Variants in APC observed in about 807,000 individuals in gnomAD.
APC encodes the protein adenomatous polyposis coli protein.
APC carries 72 observed loss-of-function variants against 247.0 expected under a neutral mutation model. The ratio of observed to expected loss-of-function variants is 0.29; its 90% CI spans 0.24 to 0.35. The LOEUF (loss-of-function observed/expected upper bound fraction) is 0.35. Among genes scored for constraint, APC ranks in the 10% least tolerant of loss-of-function variants. The probability of loss-of-function intolerance (pLI) is 1.00; values close to 1 mark genes in which losing one functional copy is unlikely to be tolerated. For missense variants in APC, 3,400 were observed against 3,360.7 expected (o/e 1.01, Z -0.29); for synonymous variants, 1,254 against 1,162.5 (o/e 1.08, Z -1.60).
intron 2 of APC, among the ~76,000 whole-genome samples, chr5:112,760,416 C>A (rs896778508): frequency 2.6e-5 from 4 of 152,194 alleles, no homozygotes; most frequent in Admixed American, 6.5e-5. Context: ...TTTCATACCA[C>A]AGGTCTCCTC....
rs776197565 is a variant in APC, at chr5:112,819,214, G to T, written c.1182G>T (p.Gln394His). The T allele has an allele frequency of 1.2e-6, 2 of 1,613,834 alleles. No homozygotes were observed. The highest frequency in any genetic ancestry group is 2.2e-5 in the East Asian group (1 of 44,846). The change falls in exon 10 of 16, where the codon CAG becomes CAT. Residue 394 changes from glutamine (Q) to histidine (H), a missense_variant. Coordinates refer to ENST00000257430, the MANE Select transcript of APC (RefSeq NM_000038.6). ...SAALHNIIHS[Q>H]PDDKRGRREI... ...CACTCCACAACATCATTCACTCACA[G>T]CCTGATGACAAGAGAGGCAGGCGTG...
At position 112,775,612 on chromosome 5, in the gene APC, T is replaced by TAAA. The variant is rs730881230; in HGVS notation, c.423-6_423-4dup. The stretch of plus-strand genomic sequence containing the variant: ...AGCATTGTTTAAACGTACCTTTTTT[T>TAAA]AAAAAAAAAAAAATAGGTCATTGCT... On this transcript the variant is annotated splice_polypyrimidine_tract_variant and intron_variant, in intron 4 of 15. Transcript: ENST00000257430. 6.0e-6 allele frequency: 7 copies of TAAA among 1,171,200 alleles called. No homozygotes were observed. The highest frequency in any genetic ancestry group is 7.2e-6 in the Non-Finnish European group (6 of 834,990). The allele number at this position is 1,171,200 out of a possible 1,614,324, so 72.6% of individuals were successfully genotyped here.
chr5:112,828,791 T>G, intron 13 of APC, 65 bp from the exon 14 acceptor site: 1 of 1,204,692 alleles, frequency 8.3e-7, no homozygotes, highest in Non-Finnish European at 1.2e-6. Context: ...CTGCTAGCAT[T>G]AAAAACAAAA....
chr5:112,750,502 T>G (rs1337944961), intron 1 of APC, among the ~76,000 whole-genome samples: 1 of 144,424 alleles, frequency 6.9e-6, no homozygotes, highest in Non-Finnish European at 1.6e-5. Context: ...TTGTTTGTTT[T>G]GTTTTTCATC....
intron 1 of APC, among the ~76,000 whole-genome samples, chr5:112,725,737 G>A (rs1208320002): frequency 6.6e-6 from 1 of 152,102 alleles, no homozygotes; most frequent in Non-Finnish European, 1.5e-5. Context: ...TTCCAGCCTG[G>A]GCAACAGTGA....
chr5:112,845,028 A>G lies in APC; in HGVS notation c.*902A>G, dbSNP rs1267234888. 1 of 232,270 alleles carries G rather than the reference A, an allele frequency of 4.3e-6. No homozygotes were observed. The highest frequency in any genetic ancestry group is 2.2e-5 in the African/African-American group (1 of 45,282). The allele number at this position is 232,270 out of a possible 1,614,324, so 14.4% of individuals were successfully genotyped here. A position where few individuals can be genotyped will look rare whatever the true frequency, so the allele number is the denominator to read the frequency against. ...TTGAAGGGTCTTGTTTCACATTTGT[A>G]TTAATAATTGTTTAAAATGCCTCTT... On this transcript the variant is annotated 3_prime_UTR_variant, in exon 16 of 16. Coordinates refer to ENST00000257430, the MANE Select transcript of APC (RefSeq NM_000038.6).
Position 112,838,138 on chromosome 5 carries a change from A to T in APC, c.2544A>T (p.Lys848Asn), listed in dbSNP as rs764867930. 3 of 1,614,168 alleles carry T rather than the reference A, an allele frequency of 1.9e-6. No homozygotes were observed. In the Admixed American group the frequency reaches 5.0e-5, roughly 27 times the overall value. ...RGSLDSSRSEKDRSLERERGI... is the reference protein window; with the variant it reads ...RGSLDSSRSENDRSLERERGI... The stretch of plus-strand genomic sequence containing the variant: ...GCTTAGATAGTTCTCGTTCTGAAAA[A>T]GATAGAAGTTTGGAGAGAGAACGCG... The change falls in exon 16 of 16, where the codon AAA becomes AAT. Residue 848 changes from lysine (K) to asparagine (N), a missense_variant. Around this residue, in one of 9 missense-constraint regions of APC, gnomAD observed 715 missense variants for 656.6 expected, o/e 1.09. Transcript: ENST00000257430.
intron 9 of APC, among the ~76,000 whole-genome samples, chr5:112,816,952 C>T (rs2431240): frequency 0.54 from 81,420 of 151,212 alleles, 22,473 homozygotes; most frequent in East Asian, 0.82. Flanking sequence ...CACTGCAACC[C>T]CCACCTCCAG....
intron 5 of APC, among the ~76,000 whole-genome samples, chr5:112,780,533 A>G (rs1476031650): frequency 1.3e-5 from 2 of 152,190 alleles, no homozygotes; most frequent in East Asian, 3.8e-4. Flanking sequence ...TTTAAGTGAA[A>G]TAGGCCAATC....
In APC at chr5:112,822,124, T is replaced by C. The variant is rs758253019; in HGVS notation, c.1408+133T>C. 3.6e-4 allele frequency: 241 copies of C among 669,862 alleles called. 1 individual carries two copies. The highest frequency in any genetic ancestry group is 1.2e-3 in the Middle Eastern group (3 of 2,432). 41.5% of individuals were successfully genotyped at this position (669,862 alleles called of 1,614,324 possible). A position where few individuals can be genotyped will look rare whatever the true frequency, so the allele number is the denominator to read the frequency against. On this transcript the variant is annotated intron_variant, in intron 11 of 15. Coordinates refer to ENST00000257430, the MANE Select transcript of APC (RefSeq NM_000038.6). Reference sequence around the variant, plus strand: ...GATATAAGGCCACCAACTTCTGTTATCAGCTGCTTCCTCTGTGTAGCAAAA... The same window carrying C: ...GATATAAGGCCACCAACTTCTGTTACCAGCTGCTTCCTCTGTGTAGCAAAA...
rs2149949182 is a variant in APC at position 112,841,381 on chromosome 5, A to G, written c.5787A>G (p.Lys1929=). The G allele has an allele frequency of 6.2e-7, 1 of 1,613,720 alleles. No homozygotes were observed. The highest frequency in any genetic ancestry group is 1.1e-5 in the South Asian group (1 of 91,076). The part of the protein sequence containing the change: ...NRGQPKPILQ[K]QSTFPQSSKD... Reference sequence around the variant, plus strand: ...GTCAGCCTAAACCCATACTTCAGAAACAATCCACTTTTCCCCAGTCATCCA... The same window carrying G: ...GTCAGCCTAAACCCATACTTCAGAAGCAATCCACTTTTCCCCAGTCATCCA... The change falls in exon 16 of 16, where the codon AAA becomes AAG. Residue 1929 remains lysine, a synonymous_variant. Transcript: ENST00000257430. The surrounding 1 kb of genome is among the most constrained non-coding windows in gnomAD (Gnocchi z 4.6).
At chr5:112,783,021 A>G (rs1758521650) in intron 6 of APC, among the ~76,000 whole-genome samples, 1 of 152,142 alleles carries the variant, frequency 6.6e-6, no homozygotes, top group African/African-American at 2.4e-5. Context: ...GTTTATATGA[A>G]TTTGCATTTT....
chr5:112,737,803 C>T (rs377003642), upstream of APC: 46 of 977,146 alleles, frequency 4.7e-5, no homozygotes, highest in Middle Eastern at 1.1e-3. Context: ...GCTCCCCATT[C>T]CCGTCGGGAG....
At chr5:112,711,899 T>C (rs573794113) in intron 1 of APC, among the ~76,000 whole-genome samples, 28 of 152,222 alleles carry the variant, frequency 1.8e-4, no homozygotes, top group Admixed American at 1.5e-3. Flanking sequence ...AAAAAAAAAT[T>C]GCCACCAATG....
intron 1 of APC, among the ~76,000 whole-genome samples, chr5:112,751,142 G>A (rs1326562844): frequency 6.6e-6 from 1 of 151,968 alleles, no homozygotes; most frequent in Non-Finnish European, 1.5e-5. Flanking sequence ...TGGAAAAATA[G>A]TACAGAGAGT....
chr5:112,753,485 T>A (rs1271619112), intron 1 of APC, among the ~76,000 whole-genome samples: 2 of 152,220 alleles, frequency 1.3e-5, no homozygotes, highest in African/African-American at 2.4e-5. Context: ...AAGTGTTCAT[T>A]TACAAATTGT....
chr5:112,827,869 A>T, intron 12 of APC, 60 bp from the exon 13 acceptor site: 1 of 1,427,252 alleles, frequency 7.0e-7, no homozygotes, highest in Non-Finnish European at 9.9e-7. Flanking sequence ...AGTAGCCAAA[A>T]ATAAAGCTTG....
At chr5:112,708,053 G>A (rs569553457) in intron 1 of APC, among the ~76,000 whole-genome samples, 1 of 152,264 alleles carries the variant, frequency 6.6e-6, no homozygotes, top group East Asian at 1.9e-4. Flanking sequence ...TTGGCCCCTG[G>A]CTTTGCAGGT....
rs587779810 is a variant in APC, at chr5:112,844,092, G to T, written c.8498G>T (p.Arg2833Leu). The change falls in exon 16 of 16, where the codon CGC (arginine) becomes CTC (leucine). Residue 2833 changes from arginine to leucine, a missense_variant. Around this residue, in one of 9 missense-constraint regions of APC, gnomAD observed 1,788 missense variants for 1,649.5 expected, o/e 1.08. Transcript: ENST00000257430. ...TCCAGTGGAACCCAAAGTCCTAAGC[G>T]CCATTCTGGGTCTTACCTTGTGACA... is the stretch of plus-strand genomic sequence containing the variant. ...TESSGTQSPK[R>L]HSGSYLVTSV The T allele has an allele frequency of 6.2e-7, 1 of 1,611,642 alleles. No homozygotes were observed. The highest frequency in any genetic ancestry group is 8.5e-7 in the Non-Finnish European group (1 of 1,179,326).
Sources: allele counts gnomAD v4.1 joint callset (sites outside exome capture counted in the v4.1 genomes callset), GRCh38; gene constraint gnomAD v4.1.1; regional missense constraint gnomAD v4.1.1; non-coding constraint Gnocchi (gnomAD v3.1); transcripts MANE v1.5; gene names NCBI Gene and HGNC (gene_info 2026-07-23, HGNC 2026-07-21).